Variants in ADD2 observed in about 807,000 individuals in gnomAD.
The protein encoded by ADD2 is beta-adducin.
Under a neutral mutation model 83.0 loss-of-function variants are expected in ADD2, and 23 were observed. That is an observed-to-expected ratio of 0.28 (90% CI 0.20 to 0.39). The LOEUF is 0.39. Ranked by LOEUF, ADD2 falls within the 10% of genes least tolerant of loss-of-function variation. ADD2 has a pLI of 1.00. For missense variants in ADD2, 758 were observed against 944.9 expected, an observed-to-expected ratio of 0.80 and a Z score of 2.59; for synonymous variants, 375 against 375.4, an observed-to-expected ratio of 1.00 and a Z score of 0.01.
chr2:70,703,997 C>T (rs1671748683), intron 4 of ADD2, among the ~76,000 whole-genome samples: 1 of 152,144 alleles, frequency 6.6e-6, no homozygotes, highest in Admixed American at 6.5e-5. Context: ...CTCCTCTCAG[C>T]CCTCATCTGT....
intron 10 of ADD2, 98 bp downstream of exon 10, chr2:70,683,493 C>G: frequency 1.5e-6 from 2 of 1,296,620 alleles, no homozygotes; most frequent in Non-Finnish European, 1.1e-6. Flanking sequence ...AGTTGTGATG[C>G]TGGCAATTCT....
chr2:70,699,801 C>G lies in ADD2; in HGVS notation c.323-3405G>C, dbSNP rs191510542. 9.5e-3 allele frequency among the ~76,000 whole-genome samples: 1,447 copies of G among 152,040 alleles called. 24 individuals carry two copies. The highest frequency in any genetic ancestry group is 0.031 in the African/African-American group (1,285 of 41,474). On this transcript the variant is annotated intron_variant, in intron 4 of 15. Coordinates refer to ENST00000264436, the MANE Select transcript of ADD2 (RefSeq NM_001617.4). ...TCTCAAAAACAAAACAAAAAAAACCCCACTAAAATAAAGTGGCTCCAAAAA... is the reference window on the plus strand; with the variant it reads ...TCTCAAAAACAAAACAAAAAAAACCGCACTAAAATAAAGTGGCTCCAAAAA...
chr2:70,683,854 G>A, intron 9 of ADD2, 87 bp from the exon 10 acceptor site: 2 of 1,405,892 alleles, frequency 1.4e-6, no homozygotes, highest in Non-Finnish European at 1.9e-6. Flanking sequence ...GAGAGAATGG[G>A]GAGTCCAGAG....
intron 8 of ADD2, 107 bp downstream of exon 8, chr2:70,690,679 T>G (rs1287713875): frequency 8.2e-6 from 10 of 1,225,190 alleles, no homozygotes; most frequent in Admixed American, 5.5e-5. Flanking sequence ...TTCTTTTTTT[T>G]CCCCCCTCTC....
intron 1 of ADD2, among the ~76,000 whole-genome samples, chr2:70,747,669 G>A (rs1574318569): frequency 6.6e-6 from 1 of 152,132 alleles, no homozygotes; most frequent in Non-Finnish European, 1.5e-5. Flanking sequence ...AGTCACTCAG[G>A]CAAGAGAAAC....
At chr2:70,749,575 C>T (rs1296391315) in intron 1 of ADD2, among the ~76,000 whole-genome samples, 1 of 152,148 alleles carries the variant, frequency 6.6e-6, no homozygotes, top group Non-Finnish European at 1.5e-5. Flanking sequence ...TCCCAGCCTT[C>T]CCCAAAGCTA....
At chr2:70,764,629 C>T (rs1675286943) in intron 1 of ADD2, among the ~76,000 whole-genome samples, 1 of 151,966 alleles carries the variant, frequency 6.6e-6, no homozygotes, top group East Asian at 1.9e-4. Context: ...ATGATTATCA[C>T]TGGAATAGGC....
intron 14 of ADD2, among the ~76,000 whole-genome samples, chr2:70,674,311 T>A (rs1670030867): frequency 6.6e-6 from 1 of 152,024 alleles, no homozygotes; most frequent in Non-Finnish European, 1.5e-5. Context: ...TGTCAGCTGG[T>A]GGAGGGTTTT....
At chr2:70,714,056 C>G (rs1652954747) in intron 1 of ADD2, among the ~76,000 whole-genome samples, 1 of 151,962 alleles carries the variant, frequency 6.6e-6, no homozygotes, top group African/African-American at 2.4e-5. Context: ...TCCTAAAGTA[C>G]TACTGAAGGA....
At chr2:70,767,583 G>T in intron 1 of ADD2, 8 of 1,204,316 alleles carry the variant, frequency 6.6e-6, no homozygotes, top group Non-Finnish European at 8.3e-6. Context: ...CCCTCCATTC[G>T]GACCCAAAAG....
chr2:70,741,145 T>G (rs1468116386), intron 1 of ADD2, among the ~76,000 whole-genome samples: 2 of 152,006 alleles, frequency 1.3e-5, no homozygotes, highest in African/African-American at 4.8e-5. Flanking sequence ...TTACCAAATA[T>G]CAGCAGTGGG....
intron 1 of ADD2, among the ~76,000 whole-genome samples, chr2:70,727,718 A>C (rs1673078691): frequency 6.6e-6 from 1 of 151,988 alleles, no homozygotes; most frequent in Non-Finnish European, 1.5e-5. Context: ...AACATGGTGA[A>C]ACCCTGTCTC....
chr2:70,753,036 C>T (rs2104535372), intron 1 of ADD2, among the ~76,000 whole-genome samples: 1 of 152,194 alleles, frequency 6.6e-6, no homozygotes, highest in Non-Finnish European at 1.5e-5. Flanking sequence ...AAGAGTTCAC[C>T]AGAAAGAGTG....
At chr2:70,682,848 C>T (rs1200569219) in intron 10 of ADD2, among the ~76,000 whole-genome samples, 2 of 152,160 alleles carry the variant, frequency 1.3e-5, no homozygotes, top group African/African-American at 4.8e-5. Flanking sequence ...TTATTCATTA[C>T]AATAGGATAT....
intron 9 of ADD2, among the ~76,000 whole-genome samples, chr2:70,687,631 A>C (rs55988535): frequency 0.016 from 2,171 of 131,672 alleles, 27 homozygotes; most frequent in Middle Eastern, 0.036. Context: ...CAAACAAACA[A>C]ACACCTACCT....
intron 1 of ADD2, among the ~76,000 whole-genome samples, chr2:70,723,040 A>T (rs540598457): frequency 6.6e-6 from 1 of 152,346 alleles, no homozygotes; most frequent in South Asian, 2.1e-4. Flanking sequence ...GGAGGTAATT[A>T]ACTTCATAGA....
chr2:70,722,729 C>T (rs781898729), intron 1 of ADD2, among the ~76,000 whole-genome samples: 2 of 152,178 alleles, frequency 1.3e-5, no homozygotes, highest in African/African-American at 4.8e-5. Flanking sequence ...GAAGCAACTT[C>T]CTGTACTGTG....
intron 1 of ADD2, among the ~76,000 whole-genome samples, chr2:70,728,793 C>T (rs1236886219): frequency 2.0e-5 from 3 of 152,206 alleles, no homozygotes; most frequent in Non-Finnish European, 4.4e-5. Flanking sequence ...CTTTCTCATC[C>T]TCCTCCTACC....
intron 1 of ADD2, among the ~76,000 whole-genome samples, chr2:70,751,253 T>G (rs1384493185): frequency 6.6e-6 from 1 of 152,172 alleles, no homozygotes; most frequent in East Asian, 1.9e-4. Flanking sequence ...CAGTTGACGC[T>G]TGTTACTCAG....
Sources: gnomAD v4.1 joint callset for allele counts (sites outside exome capture counted in the v4.1 genomes callset) on GRCh38, gnomAD v4.1.1 for gene constraint, MANE v1.5 for transcripts, NCBI Gene and HGNC (gene_info 2026-07-23, HGNC 2026-07-21) for gene names.